Variants in KCNQ3 observed in about 807,000 individuals in gnomAD.
The protein encoded by KCNQ3 is potassium voltage-gated channel subfamily Q member 3, also known as potassium voltage-gated channel subfamily KQT member 3.
Under a neutral mutation model 92.5 loss-of-function variants are expected in KCNQ3, and 30 were observed. The ratio of observed to expected loss-of-function variants is 0.32; its 90% CI spans 0.24 to 0.44. The LOEUF is 0.44. Ranked by LOEUF, KCNQ3 falls within the 20% of genes least tolerant of loss-of-function variation. KCNQ3 has a pLI of 1.00. For synonymous variants in KCNQ3, 450 were observed against 468.8 expected (o/e 0.96, Z 0.52); for missense variants, 913 against 1,140.3 (o/e 0.80, Z 2.87).
intron 1 of KCNQ3, among the ~76,000 whole-genome samples, chr8:132,189,907 A>AAGAG (rs1554629513): frequency 7.6e-6 from 1 of 132,276 alleles, no homozygotes; most frequent in Admixed American, 7.0e-5. Context: ...AAAAAAAAAA[A>AAGAG]AGAGAGAGAG....
intron 1 of KCNQ3, among the ~76,000 whole-genome samples, chr8:132,323,890 A>G (rs1292110645): frequency 2.0e-5 from 3 of 152,130 alleles, no homozygotes; most frequent in Non-Finnish European, 2.9e-5. Context: ...ATATGCTTTC[A>G]TCACCTACAA....
At chr8:132,149,177 T>C (rs1286455134) in intron 9 of KCNQ3, among the ~76,000 whole-genome samples, 2 of 152,230 alleles carry the variant, frequency 1.3e-5, no homozygotes, top group Non-Finnish European at 2.9e-5. Context: ...ATAGAATTGA[T>C]AGATGCAGGA....
intron 9 of KCNQ3, among the ~76,000 whole-genome samples, chr8:132,152,056 G>A (rs1313730925): frequency 3.9e-5 from 6 of 152,110 alleles, no homozygotes; most frequent in Admixed American, 1.3e-4. Flanking sequence ...TAACGACCCC[G>A]GACATTTGAT....
chr8:132,225,543 A>G (rs1814383813), intron 1 of KCNQ3, among the ~76,000 whole-genome samples: 1 of 152,216 alleles, frequency 6.6e-6, no homozygotes, highest in Admixed American at 6.5e-5. Flanking sequence ...CTACTTATAT[A>G]TGCTACCAAG....
chr8:132,400,727 T>C (rs1370804908), intron 1 of KCNQ3, among the ~76,000 whole-genome samples: 2 of 152,240 alleles, frequency 1.3e-5, no homozygotes, highest in Non-Finnish European at 1.5e-5. Context: ...GGAAACAGCG[T>C]ATAAAGAATC....
chr8:132,435,924 C>T (rs559164970), intron 1 of KCNQ3, among the ~76,000 whole-genome samples: 8 of 152,244 alleles, frequency 5.3e-5, no homozygotes, highest in South Asian at 4.1e-4. Context: ...TGTATTGCCC[C>T]GCCAGCTTCC....
At chr8:132,336,667 T>A (rs1321035265) in intron 1 of KCNQ3, among the ~76,000 whole-genome samples, 1 of 152,230 alleles carries the variant, frequency 6.6e-6, no homozygotes, top group Non-Finnish European at 1.5e-5. Context: ...TGTCATATAG[T>A]TCTTCCCAGT....
intron 1 of KCNQ3, among the ~76,000 whole-genome samples, chr8:132,222,689 T>A (rs1394936350): frequency 6.6e-6 from 1 of 152,106 alleles, no homozygotes; most frequent in African/African-American, 2.4e-5. Flanking sequence ...TAGAGGAGCT[T>A]AAAATCAGAA....
chr8:132,432,222 A>C (rs1410181560), intron 1 of KCNQ3, among the ~76,000 whole-genome samples: 1 of 152,200 alleles, frequency 6.6e-6, no homozygotes, highest in Non-Finnish European at 1.5e-5. Context: ...GCAGGCCCTC[A>C]GTGCACGTTT....
chr8:132,152,959 C>T (rs1306807675), intron 9 of KCNQ3, among the ~76,000 whole-genome samples: 2 of 152,192 alleles, frequency 1.3e-5, no homozygotes, highest in African/African-American at 4.8e-5. Flanking sequence ...GCAAACAACT[C>T]TATCCCATCA....
intron 4 of KCNQ3, among the ~76,000 whole-genome samples, chr8:132,176,637 C>T (rs561445239): frequency 1.1e-4 from 17 of 152,326 alleles, no homozygotes; most frequent in African/African-American, 4.1e-4. Flanking sequence ...TGCCTCCCTG[C>T]AGGACTTGGC....
chr8:132,327,104 T>C (rs927949350), intron 1 of KCNQ3, among the ~76,000 whole-genome samples: 1 of 152,180 alleles, frequency 6.6e-6, no homozygotes, highest in African/African-American at 2.4e-5. Context: ...CAATAAATAG[T>C]TGGTTCTGTC....
intron 1 of KCNQ3, among the ~76,000 whole-genome samples, chr8:132,406,594 C>T (rs1362748251): frequency 6.6e-6 from 1 of 151,952 alleles, no homozygotes; most frequent in African/African-American, 2.4e-5. Flanking sequence ...CACAGGCACA[C>T]ACTCAGCACA....
In KCNQ3 at chr8:132,412,206, A is replaced by C. The variant is rs138859471; in HGVS notation, c.386+67941T>G. ...TTGTGCTTTAAAATGGTGCTTCTCCAACATGAAAGAGCTTGAGAATCACCA... is the reference window on the plus strand; with the variant it reads ...TTGTGCTTTAAAATGGTGCTTCTCCCACATGAAAGAGCTTGAGAATCACCA... On this transcript the variant is annotated intron_variant, in intron 1 of 14. Transcript: ENST00000388996. Among the ~76,000 whole-genome samples, 266 of 152,326 alleles carry C rather than the reference A, an allele frequency of 1.7e-3. 2 individuals carry two copies. The highest frequency in any genetic ancestry group is 3.0e-3 in the Non-Finnish European group (207 of 68,028).
At chr8:132,262,942 C>T (rs544934512) in intron 1 of KCNQ3, among the ~76,000 whole-genome samples, 1 of 152,266 alleles carries the variant, frequency 6.6e-6, no homozygotes, top group South Asian at 2.1e-4. Flanking sequence ...TGAGTGGGTA[C>T]AGCCATTGTT....
chr8:132,225,545 G>T (rs1301904840), intron 1 of KCNQ3, among the ~76,000 whole-genome samples: 1 of 152,208 alleles, frequency 6.6e-6, no homozygotes, highest in Non-Finnish European at 1.5e-5. Context: ...ACTTATATAT[G>T]CTACCAAGAG....
intron 9 of KCNQ3, among the ~76,000 whole-genome samples, chr8:132,159,421 G>A (rs527609210): frequency 2.0e-5 from 3 of 152,284 alleles, no homozygotes; most frequent in Admixed American, 6.5e-5. Flanking sequence ...TCTAACAGGT[G>A]GAAATCTGGT....
At chr8:132,258,677 A>G (rs1345677911) in intron 1 of KCNQ3, among the ~76,000 whole-genome samples, 1 of 152,074 alleles carries the variant, frequency 6.6e-6, no homozygotes, top group Non-Finnish European at 1.5e-5. Context: ...AATGAAATAG[A>G]GAACAGAAAA....
rs73708462 is a variant in KCNQ3 at position 132,425,455 on chromosome 8, G to T, written c.386+54692C>A. On this transcript the variant is annotated intron_variant, in intron 1 of 14. Coordinates refer to ENST00000388996, the MANE Select transcript of KCNQ3 (RefSeq NM_004519.4). ...TGAGAGGATCTTGTGAGATAAAGAA[G>T]AAAATGTATGGGAAATGCCTAGCAC... Among the ~76,000 whole-genome samples the T allele has an allele frequency of 2.2e-3, 329 of 152,278 alleles. 2 individuals carry two copies. The highest frequency in any genetic ancestry group is 7.5e-3 in the African/African-American group (312 of 41,554).
Sources: gnomAD v4.1 joint callset for allele counts (sites outside exome capture counted in the v4.1 genomes callset) on GRCh38, gnomAD v4.1.1 for gene constraint, MANE v1.5 for transcripts, NCBI Gene and HGNC (gene_info 2026-07-23, HGNC 2026-07-21) for gene names.